The following SPMIP2 variants were observed in gnomAD, a reference collection of about 807,000 sequenced individuals.
SPMIP2 encodes sperm microtubule inner protein 2, also known as protein SPMIP2.
the SPMIP2 span, among the ~76,000 whole-genome samples, chr4:158,917,891 G>C: frequency 6.6e-6 from 1 of 151,608 alleles, no homozygotes; most frequent in Non-Finnish European, 1.5e-5. Flanking sequence ...GCTAATTTTT[G>C]TATTTTTAGT....
chr4:159,037,783 TATACACACACACAC>T, the SPMIP2 span, among the ~76,000 whole-genome samples: 7 of 97,600 alleles, frequency 7.2e-5, no homozygotes, highest in Non-Finnish European at 1.3e-4. Flanking sequence ...AAAAACAATA[TATACACACACACAC>T]ACACACACAC....
chr4:158,963,452 C>A, the SPMIP2 span, among the ~76,000 whole-genome samples: 3 of 152,158 alleles, frequency 2.0e-5, no homozygotes, highest in Non-Finnish European at 4.4e-5. Context: ...CAGGTGCACA[C>A]CACCATGCCC....
the SPMIP2 span, among the ~76,000 whole-genome samples, chr4:158,990,883 G>T: frequency 6.7e-6 from 1 of 148,510 alleles, no homozygotes. Flanking sequence ...AATAAAAAAC[G>T]TTTGCAGATA....
chr4:158,894,961 T>C, the SPMIP2 span, among the ~76,000 whole-genome samples: 1 of 152,134 alleles, frequency 6.6e-6, no homozygotes, highest in Admixed American at 6.5e-5. Context: ...GGCCTAATGG[T>C]CTAGAAGAAA....
At chr4:158,893,356 T>C in the SPMIP2 span, 2 of 210,844 alleles carry the variant, frequency 9.5e-6, no homozygotes, top group Non-Finnish European at 1.9e-5. Flanking sequence ...TCTGCAAAGC[T>C]GGGGAAATAA....
At chr4:159,036,501 A>C in the SPMIP2 span, among the ~76,000 whole-genome samples, 1 of 152,212 alleles carries the variant, frequency 6.6e-6, no homozygotes, top group Non-Finnish European at 1.5e-5. Context: ...GAGCCCTTAC[A>C]GTTCTTCTTC....
chr4:158,931,544 A>C, the SPMIP2 span, among the ~76,000 whole-genome samples: 10,765 of 151,988 alleles, frequency 0.071, 1,075 homozygotes, highest in African/African-American at 0.23. Flanking sequence ...GGCATGAGCC[A>C]CCATGCCCAG....
the SPMIP2 span, among the ~76,000 whole-genome samples, chr4:158,980,266 T>G: frequency 0.042 from 6,407 of 152,244 alleles, 458 homozygotes; most frequent in African/African-American, 0.14. Context: ...AAGGGGCAGC[T>G]GTGGGTGCAA....
At chr4:159,039,127 T>C in the SPMIP2 span, among the ~76,000 whole-genome samples, 1 of 152,034 alleles carries the variant, frequency 6.6e-6, no homozygotes, top group Admixed American at 6.6e-5. Context: ...CTACAGGAGA[T>C]GGTGTCTCAC....
At chr4:159,049,052 C>T in the SPMIP2 span, among the ~76,000 whole-genome samples, 6 of 151,882 alleles carry the variant, frequency 4.0e-5, no homozygotes, top group African/African-American at 1.5e-4. Context: ...TTAAATATTA[C>T]CAATTCTGAT....
chr4:159,077,292 G>T, the SPMIP2 span, among the ~76,000 whole-genome samples: 1 of 151,456 alleles, frequency 6.6e-6, no homozygotes, highest in African/African-American at 2.4e-5. Context: ...GATTACAGGT[G>T]CCTGCCACCA....
the SPMIP2 span, among the ~76,000 whole-genome samples, chr4:158,951,189 C>T: frequency 1.8e-4 from 28 of 152,304 alleles, no homozygotes; most frequent in Admixed American, 1.4e-3. Context: ...CCACCTAGTA[C>T]GTGAGTACTA....
At chr4:158,997,247 TGAGATGA>T in the SPMIP2 span, among the ~76,000 whole-genome samples, 1 of 150,442 alleles carries the variant, frequency 6.6e-6, no homozygotes, top group Non-Finnish European at 1.5e-5. Flanking sequence ...TTTTTTTTTT[TGAGATGA>T]AGCTTCGCTC....
At chr4:158,957,017 C>T in the SPMIP2 span, among the ~76,000 whole-genome samples, 3 of 150,806 alleles carry the variant, frequency 2.0e-5, no homozygotes, top group African/African-American at 4.9e-5. Context: ...CTGCAACCTC[C>T]ACCTCCCGGG....
chr4:159,051,362 A>G, the SPMIP2 span, among the ~76,000 whole-genome samples: 26,520 of 152,132 alleles, frequency 0.17, 2,687 homozygotes, highest in African/African-American at 0.28. Flanking sequence ...CCTTCTTGAA[A>G]ATCTAATACC....
chr4:158,959,646 A>C, the SPMIP2 span, among the ~76,000 whole-genome samples: 1 of 152,214 alleles, frequency 6.6e-6, no homozygotes, highest in Non-Finnish European at 1.5e-5. Context: ...ACCTATGATA[A>C]CAAAGACAGT....
chr4:159,011,242 A>G, the SPMIP2 span, among the ~76,000 whole-genome samples: 6 of 152,242 alleles, frequency 3.9e-5, no homozygotes, highest in Non-Finnish European at 8.8e-5. Context: ...TAGGGAACAT[A>G]TAGAATGCCT....
chr4:158,932,763 C>A, the SPMIP2 span, among the ~76,000 whole-genome samples: 1 of 152,262 alleles, frequency 6.6e-6, no homozygotes, highest in East Asian at 1.9e-4. Context: ...TCTCAAAGAG[C>A]TTCAAATCTG....
At chr4:158,915,254 C>G in the SPMIP2 span, 1 of 1,613,630 alleles carries the variant, frequency 6.2e-7, no homozygotes, top group South Asian at 1.1e-5. Context: ...CAAGAATAGC[C>G]CATTTGGAAT....
Sources: allele counts gnomAD v4.1 joint callset (sites outside exome capture counted in the v4.1 genomes callset), GRCh38; gene constraint gnomAD v4.1.1; transcripts MANE v1.5; gene names NCBI Gene and HGNC (gene_info 2026-07-23, HGNC 2026-07-21).